NBAS: variants seen among roughly 807,000 people sequenced by gnomAD.
NBAS encodes NBAS subunit of NRZ tethering complex, also known as NAG/BC035112 fusion.
A neutral mutation model predicts 302.5 loss-of-function variants in NBAS; 219 were observed. That is an observed-to-expected ratio of 0.72 (90% CI 0.65 to 0.81). The LOEUF (loss-of-function observed/expected upper bound fraction) is 0.81, where lower values mean the gene tolerates loss of function less well. Among genes scored for constraint, NBAS ranks in the 30% least tolerant of loss-of-function variants. NBAS has a pLI of 0.00. For synonymous variants in NBAS, 1,118 were observed against 1,021.6 expected, an observed-to-expected ratio of 1.09 and a Z score of -1.80; for missense variants, 2,932 against 2,841.6, an observed-to-expected ratio of 1.03 and a Z score of -0.72.
the NBAS span, among the ~76,000 whole-genome samples, chr2:15,081,076 C>T: frequency 0.027 from 4,075 of 152,224 alleles, 151 homozygotes; most frequent in African/African-American, 0.085. Context: ...TCTTGGTGGT[C>T]TTCTCACACA....
the NBAS span, among the ~76,000 whole-genome samples, chr2:15,137,002 T>A: frequency 2.0e-5 from 3 of 152,172 alleles, no homozygotes; most frequent in African/African-American, 7.2e-5. Context: ...TAGTCTCAGG[T>A]AGTTCTTGAT....
chr2:14,947,963 T>G, the NBAS span, among the ~76,000 whole-genome samples: 1 of 152,126 alleles, frequency 6.6e-6, no homozygotes, highest in African/African-American at 2.4e-5. Flanking sequence ...ATCCCTGGGA[T>G]GAGTCCAGTT....
At chr2:15,294,285 G>T (rs771394525) in intron 40 of NBAS, among the ~76,000 whole-genome samples, 1 of 152,084 alleles carries the variant, frequency 6.6e-6, no homozygotes, top group Non-Finnish European at 1.5e-5. Flanking sequence ...AACGAGGGCA[G>T]CAAAAAACAG....
chr2:14,828,692 G>A, the NBAS span, among the ~76,000 whole-genome samples: 2 of 152,188 alleles, frequency 1.3e-5, no homozygotes. Flanking sequence ...GGACATGATG[G>A]TGCCTGAGTG....
chr2:15,408,293 T>C (rs563192300), intron 25 of NBAS, among the ~76,000 whole-genome samples: 12 of 152,364 alleles, frequency 7.9e-5, no homozygotes, highest in African/African-American at 2.4e-4. Context: ...ATCCAACACC[T>C]GAACAATTCA....
the NBAS span, among the ~76,000 whole-genome samples, chr2:14,967,307 C>T: frequency 1.1e-4 from 16 of 152,124 alleles, no homozygotes; most frequent in Admixed American, 2.6e-4. Context: ...AAAATTCACA[C>T]GGAAATTCTA....
At chr2:15,347,458 G>A (rs73197079) in intron 35 of NBAS, among the ~76,000 whole-genome samples, 1,892 of 152,284 alleles carry the variant, frequency 0.012, 36 homozygotes, top group African/African-American at 0.043. Flanking sequence ...TAATATAACT[G>A]ACATTCTGCT....
At chr2:15,043,102 G>A in the NBAS span, among the ~76,000 whole-genome samples, 1 of 152,078 alleles carries the variant, frequency 6.6e-6, no homozygotes, top group Non-Finnish European at 1.5e-5. Context: ...CCTACTTAAC[G>A]GCACTTTACC....
rs770000085 is a variant in NBAS at position 15,292,550 on chromosome 2, G to A, written c.5014C>T (p.Leu1672Phe). 1.2e-6 allele frequency: 2 copies of A among 1,614,150 alleles called. No individual in the cohort carries two copies. The highest frequency in any genetic ancestry group is 1.7e-5 in the Admixed American group (1 of 60,004). The change falls in exon 41 of 52, where the codon CTT becomes TTT. Residue 1672 changes from leucine to phenylalanine, a missense_variant. Transcript: ENST00000281513. ...ADDQYKRETI[L>F]GLAETLEESV... ...GGTATCACTTACTCTGCCAGACCAA[G>A]GATAGTTTCCCTTTTATACTGGTCA...
At chr2:15,221,030 T>C (rs568189621) in intron 47 of NBAS, among the ~76,000 whole-genome samples, 2 of 152,352 alleles carry the variant, frequency 1.3e-5, no homozygotes, top group South Asian at 4.1e-4. Flanking sequence ...GTTTAAGAAT[T>C]TCATAAATTT....
chr2:15,420,028 A>G (rs1009988064), intron 23 of NBAS, among the ~76,000 whole-genome samples: 2 of 152,154 alleles, frequency 1.3e-5, no homozygotes, highest in African/African-American at 4.8e-5. Context: ...GATATTTGAC[A>G]ATTGTCAGCA....
At chr2:14,861,201 C>T in the NBAS span, among the ~76,000 whole-genome samples, 1 of 152,156 alleles carries the variant, frequency 6.6e-6, no homozygotes. Flanking sequence ...GAGCTTTGCA[C>T]ATTACAGATG....
At chr2:15,224,005 C>G (rs1667059950) in intron 47 of NBAS, among the ~76,000 whole-genome samples, 1 of 152,030 alleles carries the variant, frequency 6.6e-6, no homozygotes, top group South Asian at 2.1e-4. Context: ...ATAAAGGAAA[C>G]ACACTCAGAA....
At chr2:15,391,133 T>C (rs1382415805) in intron 28 of NBAS, among the ~76,000 whole-genome samples, 1 of 151,984 alleles carries the variant, frequency 6.6e-6, no homozygotes, top group Non-Finnish European at 1.5e-5. Flanking sequence ...TATTTTGCAT[T>C]GAAAGACATG....
chr2:14,995,829 C>T, the NBAS span, among the ~76,000 whole-genome samples: 1 of 152,128 alleles, frequency 6.6e-6, no homozygotes, highest in Admixed American at 6.5e-5. Context: ...TCATGCACTC[C>T]TCCCAGCTCA....
At chr2:15,025,857 G>A in the NBAS span, among the ~76,000 whole-genome samples, 9 of 152,182 alleles carry the variant, frequency 5.9e-5, no homozygotes, top group South Asian at 6.2e-4. Flanking sequence ...CTCAAGTAGC[G>A]TTTGAGCAGA....
the NBAS span, among the ~76,000 whole-genome samples, chr2:14,973,021 C>T: frequency 6.6e-6 from 1 of 152,222 alleles, no homozygotes; most frequent in African/African-American, 2.4e-5. Flanking sequence ...CCTTTTCCCA[C>T]ACCCTTCCAT....
chr2:15,558,371 T>G (rs1237643506), intron 2 of NBAS, among the ~76,000 whole-genome samples: 1 of 152,168 alleles, frequency 6.6e-6, no homozygotes, highest in Non-Finnish European at 1.5e-5. Flanking sequence ...AGCTATATAC[T>G]TTAGCTCTAA....
At chr2:15,294,919 T>C (rs1670478068) in intron 40 of NBAS, among the ~76,000 whole-genome samples, 1 of 152,192 alleles carries the variant, frequency 6.6e-6, no homozygotes, top group Admixed American at 6.5e-5. Context: ...TTGCTGAATA[T>C]ACCTTGAAGG....
Sources: allele counts gnomAD v4.1 joint callset (sites outside exome capture counted in the v4.1 genomes callset), GRCh38; gene constraint gnomAD v4.1.1; transcripts MANE v1.5; gene names NCBI Gene and HGNC (gene_info 2026-07-23, HGNC 2026-07-21).